Variants in FAM81A observed in about 807,000 individuals in gnomAD.
FAM81A encodes the protein protein FAM81A.
In FAM81A, 19 loss-of-function variants were observed where a neutral mutation model predicts 46.7. The observed-to-expected ratio is 0.41, with a 90% CI of 0.28 to 0.60. The LOEUF is 0.60. FAM81A is among the 20% of genes least tolerant of loss of function. FAM81A has a pLI of 0.34. For missense variants in FAM81A, 377 were observed against 453.5 expected (o/e 0.83, Z 1.53); for synonymous variants, 183 against 152.9 (o/e 1.20, Z -1.45).
At position 59,514,317 on chromosome 15, in the gene FAM81A, A is replaced by T; in HGVS notation, c.679A>T (p.Asn227Tyr). 2 of 1,611,244 alleles carry T rather than the reference A, an allele frequency of 1.2e-6. No individual in the cohort carries two copies. The highest frequency in any genetic ancestry group is 1.7e-6 in the Non-Finnish European group (2 of 1,178,824). ...KFKGTVEELS[N>Y]QILSARSWLQ... Reference sequence around the variant, plus strand: ...TAAAGGTACAGTTGAGGAACTCAGTAACCAGATATTATCTGCACGGAGTTG... The same window carrying T: ...TAAAGGTACAGTTGAGGAACTCAGTTACCAGATATTATCTGCACGGAGTTG... Residue 227 changes from asparagine (N) to tyrosine (Y), a missense_variant, in exon 7 of 9, where the codon AAC becomes TAC. By Grantham distance (143) the Asn-to-Tyr change is moderately radical. Transcript: ENST00000288228.
rs753374490 is a variant in FAM81A at position 59,458,660 on chromosome 15, T to A, written c.20+14T>A. On this transcript the variant is annotated intron_variant, in intron 2 of 8. Transcript: ENST00000288228. ...TATGCATCTAAGGTATACTTTTCCT[T>A]TCCACTCATCCCATGGGGGCTGCTA... 2 of 1,610,774 alleles carry A rather than the reference T, an allele frequency of 1.2e-6. No individual in the cohort carries two copies. The highest frequency in any genetic ancestry group is 1.7e-6 in the Non-Finnish European group (2 of 1,177,064).
intron 2 of FAM81A, among the ~76,000 whole-genome samples, chr15:59,427,774 A>G (rs1405765932): frequency 6.6e-6 from 1 of 152,206 alleles, no homozygotes; most frequent in East Asian, 1.9e-4. Context: ...TCCATTGTGT[A>G]TAGGTACCAT....
At chr15:59,507,105 A>C in intron 4 of FAM81A, 108 bp from the exon 5 acceptor site, 5 of 1,344,910 alleles carry the variant, frequency 3.7e-6, no homozygotes, top group Non-Finnish European at 5.0e-6. Context: ...AGAATGATGG[A>C]TAGTGCACTT....
chr15:59,405,125 C>T (rs985960675), intron 2 of FAM81A, among the ~76,000 whole-genome samples: 1 of 152,228 alleles, frequency 6.6e-6, no homozygotes. Flanking sequence ...TCCCTGACCA[C>T]TCAGTCTAAG....
intron 4 of FAM81A, among the ~76,000 whole-genome samples, chr15:59,494,516 T>G (rs1307271193): frequency 6.6e-6 from 1 of 152,226 alleles, no homozygotes; most frequent in East Asian, 1.9e-4. Flanking sequence ...TCAGGAATCT[T>G]ATATTCTTCA....
At chr15:59,519,213 G>T (rs2082300487) in intron 8 of FAM81A, among the ~76,000 whole-genome samples, 1 of 150,910 alleles carries the variant, frequency 6.6e-6, no homozygotes, top group Non-Finnish European at 1.5e-5. Context: ...TTTTTAGACA[G>T]AGTCTTGCTC....
At chr15:59,432,083 G>A (rs1024741436) in intron 2 of FAM81A, among the ~76,000 whole-genome samples, 3 of 151,926 alleles carry the variant, frequency 2.0e-5, no homozygotes, top group Admixed American at 6.6e-5. Context: ...TTTACTTTAA[G>A]TACAGGCTAT....
intron 4 of FAM81A, among the ~76,000 whole-genome samples, chr15:59,499,844 G>A (rs1478410317): frequency 1.3e-5 from 2 of 149,770 alleles, no homozygotes; most frequent in African/African-American, 4.9e-5. Context: ...ATATTTCTAT[G>A]TCTTTTTCAT....
At chr15:59,485,604 C>G (rs2081908435) in intron 3 of FAM81A, among the ~76,000 whole-genome samples, 1 of 152,176 alleles carries the variant, frequency 6.6e-6, no homozygotes, top group East Asian at 1.9e-4. Context: ...TGACCGAAAA[C>G]TTAGATTACT....
intron 1 of FAM81A, among the ~76,000 whole-genome samples, chr15:59,442,618 C>CAAAAAAAAAA (rs1196305104): frequency 2.2e-3 from 168 of 76,174 alleles, no homozygotes; most frequent in Middle Eastern, 6.5e-3. Context: ...CTCCGTCTCT[C>CAAAAAAAAAA]AAAAAAAAAA....
chr15:59,516,950 G>A, intron 8 of FAM81A, 110 bp downstream of exon 8: 2 of 1,014,950 alleles, frequency 2.0e-6, no homozygotes, highest in Non-Finnish European at 2.8e-6. Flanking sequence ...TAATAACCGT[G>A]AAATATCCTT....
At chr15:59,423,493 C>A (rs1333054453) in intron 2 of FAM81A, among the ~76,000 whole-genome samples, 1 of 152,190 alleles carries the variant, frequency 6.6e-6, no homozygotes, top group Non-Finnish European at 1.5e-5. Flanking sequence ...TATCGCTTGG[C>A]TGAGCTGAGA....
At chr15:59,424,167 G>C (rs1341235562) in intron 2 of FAM81A, among the ~76,000 whole-genome samples, 1 of 152,124 alleles carries the variant, frequency 6.6e-6, no homozygotes, top group African/African-American at 2.4e-5. Flanking sequence ...TATACCTTTT[G>C]GAACTTTTCA....
chr15:59,479,707 T>G (rs989204390), intron 3 of FAM81A, among the ~76,000 whole-genome samples: 4 of 151,712 alleles, frequency 2.6e-5, no homozygotes. Context: ...GTGGCACGTT[T>G]AAGAAGCAGA....
intron 4 of FAM81A, 105 bp from the exon 5 acceptor site, chr15:59,507,108 G>A (rs2082157204): frequency 7.3e-7 from 1 of 1,378,660 alleles, no homozygotes; most frequent in South Asian, 1.4e-5. Flanking sequence ...ATGATGGATA[G>A]TGCACTTTCT....
chr15:59,515,155 T>G (rs73417097), intron 7 of FAM81A, among the ~76,000 whole-genome samples: 3,723 of 152,096 alleles, frequency 0.024, 154 homozygotes, highest in African/African-American at 0.086. Flanking sequence ...TGAGCCTGAA[T>G]CCACCTTGAG....
intron 1 of FAM81A, chr15:59,401,840 A>C (rs2081072376): frequency 2.7e-6 from 2 of 741,024 alleles, no homozygotes; most frequent in Non-Finnish European, 4.9e-6. Context: ...TTTTCTCAGC[A>C]TGGCCCTGTT....
Position 59,414,184 on chromosome 15 carries a change from C to T in FAM81A, c.-78+11826C>T, listed in dbSNP as rs1406335301. The stretch of plus-strand genomic sequence containing the variant: ...GGCCAGGCTCATCTTGAGCTCCTGG[C>T]CTCAAGTGATCCGCCCGCCTTGGCC... On this transcript the variant is annotated intron_variant, in intron 2 of 4. Transcript: ENST00000558348. Among the ~76,000 whole-genome samples the T allele has an allele frequency of 5.3e-5, 8 of 152,120 alleles. No homozygotes were observed. In the East Asian group the frequency reaches 1.3e-3, roughly 26 times the overall value.
chr15:59,452,900 C>T (rs2081436380), intron 1 of FAM81A, among the ~76,000 whole-genome samples: 1 of 152,052 alleles, frequency 6.6e-6, no homozygotes, highest in Non-Finnish European at 1.5e-5. Context: ...GTAGCTGGGA[C>T]TGCAGGCATA....
Sources: allele counts gnomAD v4.1 joint callset (sites outside exome capture counted in the v4.1 genomes callset), GRCh38; gene constraint gnomAD v4.1.1; transcripts MANE v1.5; gene names NCBI Gene and HGNC (gene_info 2026-07-23, HGNC 2026-07-21).